DLG2: variants seen among roughly 807,000 people sequenced by gnomAD.
The protein encoded by DLG2 is disks large homolog 2.
DLG2 carries 45 observed loss-of-function variants against 132.5 expected under a neutral mutation model. That is an observed-to-expected ratio of 0.34 (90% confidence interval 0.27 to 0.44). The LOEUF (loss-of-function observed/expected upper bound fraction) is 0.44, where lower values mean the gene tolerates loss of function less well. DLG2 is among the 20% of genes least tolerant of loss of function. DLG2 has a pLI of 1.00. For synonymous variants in DLG2, 424 were observed against 419.6 expected (o/e 1.01, Z -0.13); for missense variants, 1,045 against 1,196.9 (o/e 0.87, Z 1.87).
chr11:84,626,764 A>G (rs931155488), intron 6 of DLG2, among the ~76,000 whole-genome samples: 5 of 152,188 alleles, frequency 3.3e-5, no homozygotes, highest in Non-Finnish European at 5.9e-5. Context: ...AAGGTTTTCT[A>G]AGCAGTGCTC....
At chr11:85,418,821 GT>G (rs753954577) in intron 3 of DLG2, among the ~76,000 whole-genome samples, 26 of 152,262 alleles carry the variant, frequency 1.7e-4, no homozygotes, top group Middle Eastern at 3.4e-3. Context: ...GAGCCTGTGT[GT>G]GTCTTTGCAC....
At chr11:83,564,451 T>C (rs777757533) in intron 19 of DLG2, among the ~76,000 whole-genome samples, 2 of 152,152 alleles carry the variant, frequency 1.3e-5, no homozygotes, top group African/African-American at 2.4e-5. Context: ...TACCTGTAAA[T>C]TGGATATTTC....
At chr11:85,622,278 T>C (rs2081767148) in intron 2 of DLG2, among the ~76,000 whole-genome samples, 1 of 152,160 alleles carries the variant, frequency 6.6e-6, no homozygotes. Context: ...ATATATACCG[T>C]AGTATACAAT....
chr11:84,369,507 C>T (rs898832517), intron 7 of DLG2, among the ~76,000 whole-genome samples: 4 of 151,996 alleles, frequency 2.6e-5, no homozygotes, highest in African/African-American at 9.7e-5. Flanking sequence ...CTAACTTGTT[C>T]AATGTCATAC....
At chr11:85,541,195 A>G (rs899296994) in intron 3 of DLG2, among the ~76,000 whole-genome samples, 5 of 152,234 alleles carry the variant, frequency 3.3e-5, no homozygotes, top group African/African-American at 1.2e-4. Flanking sequence ...AAAACAAAGT[A>G]ATGATATAAT....
intron 7 of DLG2, among the ~76,000 whole-genome samples, chr11:84,321,544 A>C (rs1055226375): frequency 3.9e-5 from 6 of 152,012 alleles, no homozygotes; most frequent in African/African-American, 1.4e-4. Flanking sequence ...CTGTCCTCCA[A>C]CCATACAGGC....
chr11:83,696,736 A>G (rs1374603998), intron 18 of DLG2, among the ~76,000 whole-genome samples: 1 of 152,212 alleles, frequency 6.6e-6, no homozygotes, highest in African/African-American at 2.4e-5. Context: ...GTAAATGACT[A>G]TGTGCAGAGT....
At position 85,494,970 on chromosome 11, in the gene DLG2, G is replaced by C. The variant is rs529507808; in HGVS notation, c.40+103687C>G. Among the ~76,000 whole-genome samples, 3 of 151,988 alleles carry C rather than the reference G, an allele frequency of 2.0e-5. No homozygotes were observed. In the South Asian group the frequency reaches 6.2e-4, roughly 32 times the overall value. On this transcript the variant is annotated intron_variant, in intron 3 of 27. Transcript: ENST00000376104. The stretch of plus-strand genomic sequence containing the variant: ...ACAAACAACAAAGGCCTCATTCATG[G>C]ATTTTATAACAAAGTCCCACACATC...
intron 4 of DLG2, among the ~76,000 whole-genome samples, chr11:85,194,504 T>C (rs899766725): frequency 6.6e-6 from 1 of 152,112 alleles, no homozygotes; most frequent in Admixed American, 6.6e-5. Flanking sequence ...GTTTAAATGC[T>C]GCAATATGAA....
At chr11:84,927,363 G>C (rs2154088668) in intron 6 of DLG2, among the ~76,000 whole-genome samples, 1 of 152,078 alleles carries the variant, frequency 6.6e-6, no homozygotes, top group African/African-American at 2.4e-5. Flanking sequence ...AATTAGGTAA[G>C]TTTATACGTT....
intron 19 of DLG2, among the ~76,000 whole-genome samples, chr11:83,625,482 T>C (rs967991642): frequency 1.3e-5 from 2 of 152,208 alleles, no homozygotes; most frequent in Non-Finnish European, 2.9e-5. Context: ...TGCATGATGA[T>C]GTAGCTTTTC....
intron 10 of DLG2, among the ~76,000 whole-genome samples, chr11:84,063,599 C>G (rs538460022): frequency 6.6e-6 from 1 of 152,262 alleles, no homozygotes; most frequent in South Asian, 2.1e-4. Context: ...TTGACCCAGC[C>G]ATCCCATTAC....
At chr11:83,947,456 T>G (rs982139843) in intron 14 of DLG2, among the ~76,000 whole-genome samples, 1 of 152,186 alleles carries the variant, frequency 6.6e-6, no homozygotes, top group Non-Finnish European at 1.5e-5. Context: ...TGTAAATGTA[T>G]GTTTTATTAG....
At chr11:85,128,385 G>C (rs187830438) in intron 5 of DLG2, among the ~76,000 whole-genome samples, 1 of 152,224 alleles carries the variant, frequency 6.6e-6, no homozygotes, top group East Asian at 1.9e-4. Flanking sequence ...AAATACCTCA[G>C]AGATGCAATA....
chr11:84,103,654 C>T (rs948169287), intron 9 of DLG2, among the ~76,000 whole-genome samples: 5 of 152,100 alleles, frequency 3.3e-5, no homozygotes, highest in Non-Finnish European at 5.9e-5. Context: ...CATTTTCTAG[C>T]CAAATGACAC....
chr11:84,033,658 C>T (rs2154094622), intron 11 of DLG2, among the ~76,000 whole-genome samples: 1 of 152,266 alleles, frequency 6.6e-6, no homozygotes, highest in East Asian at 1.9e-4. Flanking sequence ...TAAAACGCTA[C>T]CAAACGGTAC....
chr11:85,622,406 C>T (rs2081778853), intron 2 of DLG2, among the ~76,000 whole-genome samples: 1 of 151,852 alleles, frequency 6.6e-6, no homozygotes, highest in African/African-American at 2.4e-5. Context: ...TATACCTGTA[C>T]ATATTCCCCC....
chr11:85,107,716 T>C (rs2072001840), intron 6 of DLG2, among the ~76,000 whole-genome samples: 1 of 151,616 alleles, frequency 6.6e-6, no homozygotes, highest in Non-Finnish European at 1.5e-5. Flanking sequence ...AAATTTAAAA[T>C]GTAAGGGTAA....
At chr11:84,033,524 G>T (rs1309314724) in intron 11 of DLG2, among the ~76,000 whole-genome samples, 1 of 152,224 alleles carries the variant, frequency 6.6e-6, no homozygotes, top group Non-Finnish European at 1.5e-5. Flanking sequence ...TACTCCTCTG[G>T]TGAAGATGTG....
Sources: allele counts gnomAD v4.1 joint callset (sites outside exome capture counted in the v4.1 genomes callset), GRCh38; gene constraint gnomAD v4.1.1; transcripts MANE v1.5; gene names NCBI Gene and HGNC (gene_info 2026-07-23, HGNC 2026-07-21).